SOS2: variants seen among roughly 807,000 people sequenced by gnomAD.
SOS2 encodes the protein son of sevenless homolog 2.
A neutral mutation model predicts 148.2 loss-of-function variants in SOS2; 65 were observed. The ratio of observed to expected loss-of-function variants is 0.44; its 90% confidence interval spans 0.36 to 0.54. The LOEUF is 0.54. Among genes scored for constraint, SOS2 ranks in the 20% least tolerant of loss-of-function variants. The probability of loss-of-function intolerance (pLI) is 0.00; values close to 1 mark genes in which losing one functional copy is unlikely to be tolerated. For missense variants in SOS2, 1,341 were observed against 1,590.2 expected, an observed-to-expected ratio of 0.84 and a Z score of 2.67; for synonymous variants, 539 against 537.1, an observed-to-expected ratio of 1.00 and a Z score of -0.05.
At chr14:50,205,596 T>C (rs1886633359) in intron 1 of SOS2, among the ~76,000 whole-genome samples, 1 of 152,150 alleles carries the variant, frequency 6.6e-6, no homozygotes, top group African/African-American at 2.4e-5. Context: ...GATTTAGACT[T>C]TGCCATTTCC....
intron 4 of SOS2, among the ~76,000 whole-genome samples, chr14:50,189,590 T>G (rs1168866843): frequency 2.6e-5 from 4 of 151,964 alleles, no homozygotes; most frequent in African/African-American, 9.7e-5. Context: ...CATATTTGAG[T>G]AGGGTTAAAA....
At chr14:50,211,710 G>A (rs1886877082) in intron 1 of SOS2, among the ~76,000 whole-genome samples, 1 of 151,920 alleles carries the variant, frequency 6.6e-6, no homozygotes, top group African/African-American at 2.4e-5. Context: ...CTCCTGCCTT[G>A]TCCTCCCAAA....
chr14:50,187,710 TAAAAG>T (rs1036208055), intron 5 of SOS2, among the ~76,000 whole-genome samples: 1 of 152,168 alleles, frequency 6.6e-6, no homozygotes, highest in African/African-American at 2.4e-5. Flanking sequence ...AATCATGTGA[TAAAAG>T]AAAGAAAAAA....
chr14:50,227,640 T>C (rs138390894), intron 1 of SOS2, among the ~76,000 whole-genome samples: 2 of 152,318 alleles, frequency 1.3e-5, no homozygotes, highest in African/African-American at 4.8e-5. Flanking sequence ...TTAGCCAGCA[T>C]GGTCTCGATC....
At chr14:50,203,195 G>C (rs1472376136) in intron 2 of SOS2, among the ~76,000 whole-genome samples, 2 of 151,804 alleles carry the variant, frequency 1.3e-5, no homozygotes, top group African/African-American at 4.8e-5. Flanking sequence ...AAACAGTATA[G>C]TATAAAAGTA....
At position 50,211,312 on chromosome 14, in the gene SOS2, G is replaced by A. The variant is rs181011235; in HGVS notation, c.88-6903C>T. 2.4e-3 allele frequency among the ~76,000 whole-genome samples: 372 copies of A among 152,204 alleles called. 2 individuals are homozygous for A. Among genetic ancestry groups the A allele is most frequent in the Admixed American group, 5.2e-3 (79 of 15,286 alleles). ...ATCTGTTTCTTCTTACTTTTCAACTGTGGCTATGATAATTTTCGTTTTTAA... is the reference window on the plus strand; with the variant it reads ...ATCTGTTTCTTCTTACTTTTCAACTATGGCTATGATAATTTTCGTTTTTAA... On this transcript the variant is annotated intron_variant, in intron 1 of 22. Transcript: ENST00000216373.
chr14:50,137,792 T>C (rs1282127777), intron 18 of SOS2, among the ~76,000 whole-genome samples: 1 of 152,172 alleles, frequency 6.6e-6, no homozygotes, highest in Non-Finnish European at 1.5e-5. Flanking sequence ...CCCTCAAGCA[T>C]TTATCCTTTG....
chr14:50,151,243 A>G (rs1028040893), intron 13 of SOS2, among the ~76,000 whole-genome samples: 9 of 152,210 alleles, frequency 5.9e-5, no homozygotes, highest in African/African-American at 2.2e-4. Flanking sequence ...GTCTCCTTTA[A>G]TCTACAGGTT....
At chr14:50,189,344 A>AAAAAAAAAAAAAAAAAAAAAC (rs1886044003) in intron 4 of SOS2, among the ~76,000 whole-genome samples, 1 of 147,312 alleles carries the variant, frequency 6.8e-6, no homozygotes, top group African/African-American at 2.5e-5. Flanking sequence ...AAAAAAAAAA[A>AAAAAAAAAAAAAAAAAAAAAC]AAAAGCAAGC....
intron 1 of SOS2, among the ~76,000 whole-genome samples, chr14:50,218,292 G>T (rs111756304): frequency 2.0e-5 from 3 of 150,404 alleles, no homozygotes; most frequent in Admixed American, 6.6e-5. Flanking sequence ...GGAGGCCAAG[G>T]TGGGTGGATT....
At chr14:50,165,287 C>T (rs1362996601) in intron 8 of SOS2, among the ~76,000 whole-genome samples, 9 of 152,028 alleles carry the variant, frequency 5.9e-5, no homozygotes, top group Non-Finnish European at 1.2e-4. Flanking sequence ...GTAATATTTT[C>T]CCCCAAAACA....
intron 1 of SOS2, among the ~76,000 whole-genome samples, chr14:50,210,345 A>G (rs958274200): frequency 1.1e-4 from 17 of 152,188 alleles, no homozygotes; most frequent in African/African-American, 4.1e-4. Flanking sequence ...ACCACTGCAG[A>G]AAAAGAAAAT....
chr14:50,178,665 TGTGTGC>T (rs1211820628), intron 7 of SOS2, among the ~76,000 whole-genome samples: 6 of 11,902 alleles, frequency 5.0e-4, no homozygotes, highest in African/African-American at 9.0e-4. Context: ...TGTGTGTGTG[TGTGTGC>T]ATATATATAT....
intron 4 of SOS2, among the ~76,000 whole-genome samples, chr14:50,189,061 T>TCACACACA (rs10599812): frequency 0.12 from 15,218 of 128,326 alleles, 1,119 homozygotes; most frequent in Admixed American, 0.15. Context: ...CGAGACTCCA[T>TCACACACA]CACACACACA....
chr14:50,185,169 C>T (rs1330054872), intron 5 of SOS2, among the ~76,000 whole-genome samples: 2 of 152,132 alleles, frequency 1.3e-5, no homozygotes, highest in Admixed American at 6.6e-5. Context: ...CTGATCAGTT[C>T]GGAGCACAGT....
At position 50,230,006 on chromosome 14, in the gene SOS2, A is replaced by T. The variant is rs910327247; in HGVS notation, c.87+1191T>A. Among the ~76,000 whole-genome samples, 4 of 152,346 alleles carry T rather than the reference A, an allele frequency of 2.6e-5. No individual in the cohort carries two copies. In the East Asian group the frequency reaches 7.7e-4, roughly 29 times the overall value. On this transcript the variant is annotated intron_variant, in intron 1 of 22. Coordinates refer to ENST00000216373, the MANE Select transcript of SOS2 (RefSeq NM_006939.4). ...CTTTAGCACTTGGTATACCAATGGA[A>T]TAACTGTCTAGCTGCCACTAGTCAT...
chr14:50,228,892 A>G (rs1395910920), intron 1 of SOS2, among the ~76,000 whole-genome samples: 1 of 152,238 alleles, frequency 6.6e-6, no homozygotes, highest in Non-Finnish European at 1.5e-5. Context: ...TAATGAAGCT[A>G]GAATACACCA....
intron 7 of SOS2, among the ~76,000 whole-genome samples, chr14:50,179,722 A>T (rs1206826100): frequency 6.6e-6 from 1 of 152,214 alleles, no homozygotes; most frequent in African/African-American, 2.4e-5. Context: ...TACCTATGCC[A>T]ACATAACTTT....
chr14:50,171,976 T>TAC (rs1161444530), intron 8 of SOS2, among the ~76,000 whole-genome samples: 1 of 152,096 alleles, frequency 6.6e-6, no homozygotes, highest in East Asian at 1.9e-4. Flanking sequence ...CTTTAGAGTA[T>TAC]ATATTCAAGG....
Sources: allele counts gnomAD v4.1 joint callset (sites outside exome capture counted in the v4.1 genomes callset), GRCh38; gene constraint gnomAD v4.1.1; transcripts MANE v1.5; gene names NCBI Gene and HGNC (gene_info 2026-07-23, HGNC 2026-07-21).